ANTXR1: variants seen among roughly 807,000 people sequenced by gnomAD.
The protein encoded by ANTXR1 is anthrax toxin receptor 1.
Under a neutral mutation model 78.1 loss-of-function variants are expected in ANTXR1, and 19 were observed. The ratio of observed to expected loss-of-function variants is 0.24; its 90% CI spans 0.17 to 0.36. The LOEUF is 0.36. Among genes scored for constraint, ANTXR1 ranks in the 10% least tolerant of loss-of-function variants. The pLI, the probability that ANTXR1 is intolerant of heterozygous loss-of-function variation, is 1.00. For missense variants in ANTXR1, 518 were observed against 718.6 expected (o/e 0.72, Z 3.19); for synonymous variants, 273 against 260.5 (o/e 1.05, Z -0.46).
chr2:69,200,523 T>G (rs1425824186), intron 17 of ANTXR1, among the ~76,000 whole-genome samples: 1 of 152,246 alleles, frequency 6.6e-6, no homozygotes, highest in Non-Finnish European at 1.5e-5. Flanking sequence ...TCTGCACTCT[T>G]GCATTCTCTC....
intron 12 of ANTXR1, among the ~76,000 whole-genome samples, chr2:69,133,120 C>T (rs531919753): frequency 3.0e-4 from 46 of 152,262 alleles, no homozygotes; most frequent in African/African-American, 8.9e-4. Context: ...TTCTGCAAAG[C>T]GAAGCTGGAC....
At position 69,181,842 on chromosome 2, in the gene ANTXR1, T is replaced by C; in HGVS notation, c.1146T>C (p.Tyr382=). 3 of 1,614,068 alleles carry C rather than the reference T, an allele frequency of 1.9e-6. No individual in the cohort carries two copies. Among genetic ancestry groups the C allele is most frequent in the Non-Finnish European group, 1.7e-6 (2 of 1,179,982 alleles). The stretch of plus-strand genomic sequence containing the variant: ...AGTGGCCAACGGTAGACGCCTCTTA[T>C]TATGGTGGGAGAGGCGTTGGAGGCA... The part of the protein sequence containing the change: ...KKKWPTVDAS[Y]YGGRGVGGIK... The change falls in exon 15 of 18, where the codon TAT becomes TAC. Residue 382 remains tyrosine (Y), a synonymous_variant. Coordinates refer to ENST00000303714, the MANE Select transcript of ANTXR1 (RefSeq NM_032208.3).
chr2:69,109,022 C>T (rs1671896651), intron 10 of ANTXR1, among the ~76,000 whole-genome samples: 1 of 152,172 alleles, frequency 6.6e-6, no homozygotes, highest in African/African-American at 2.4e-5. Context: ...TGGAGCCAGA[C>T]CACCAGGGAA....
chr2:69,227,282 T>C (rs2104517150), intron 17 of ANTXR1, among the ~76,000 whole-genome samples: 1 of 152,226 alleles, frequency 6.6e-6, no homozygotes, highest in South Asian at 2.1e-4. Context: ...TGGCAGCCCT[T>C]ACCTAAAAAG....
At chr2:69,206,058 C>T (rs187680956) in intron 17 of ANTXR1, among the ~76,000 whole-genome samples, 6 of 152,264 alleles carry the variant, frequency 3.9e-5, no homozygotes, top group East Asian at 3.9e-4. Flanking sequence ...AGCAGTGTCA[C>T]GTTGAGAATC....
rs1670537116 is a variant in ANTXR1 at position 69,070,627 on chromosome 2, A to G, written c.297-20A>G. On this transcript the variant is annotated intron_variant, in intron 3 of 17. Coordinates refer to ENST00000303714, the MANE Select transcript of ANTXR1 (RefSeq NM_032208.3). Reference sequence around the variant, plus strand: ...TAAAAAATACTCAAATAAGACTAACAGAGTGTCTTTGGATTTCAGAGAACA... The same window carrying G: ...TAAAAAATACTCAAATAAGACTAACGGAGTGTCTTTGGATTTCAGAGAACA... 3 of 1,612,432 alleles carry G rather than the reference A, an allele frequency of 1.9e-6. No homozygotes were observed. Among genetic ancestry groups the G allele is most frequent in the South Asian group, 2.2e-5 (2 of 91,044 alleles).
chr2:69,249,045 C>A lies in ANTXR1; in HGVS notation c.*3560C>A, dbSNP rs920911486. The A allele has an allele frequency of 5.3e-5, 8 of 152,192 alleles. No homozygotes were observed. Among genetic ancestry groups the A allele is most frequent in the Admixed American group, 3.3e-4 (5 of 15,290 alleles). 9.4% of individuals were successfully genotyped at this position (152,192 alleles called of 1,614,324 possible). ...AGAAGATAGTTATGGATCTTCAATG[C>A]CTCTGAGTCATTGTTATAAAAAATC... is the stretch of plus-strand genomic sequence containing the variant. On this transcript the variant is annotated 3_prime_UTR_variant, in exon 18 of 18. Coordinates refer to ENST00000303714, the MANE Select transcript of ANTXR1 (RefSeq NM_032208.3).
chr2:69,230,051 C>G (rs997836375), intron 17 of ANTXR1, among the ~76,000 whole-genome samples: 2 of 152,188 alleles, frequency 1.3e-5, no homozygotes, highest in Admixed American at 6.5e-5. Flanking sequence ...CAGGGTATCT[C>G]TGCATAATTC....
intron 3 of ANTXR1, 144 bp downstream of exon 3, chr2:69,044,957 A>G: frequency 2.7e-6 from 2 of 740,246 alleles, no homozygotes; most frequent in Non-Finnish European, 2.4e-6. Context: ...AACCTTACGT[A>G]TGGGCACATG....
chr2:69,170,069 A>C (rs939204131), intron 13 of ANTXR1, among the ~76,000 whole-genome samples, 179 bp from the exon 14 acceptor site: 5 of 152,246 alleles, frequency 3.3e-5, no homozygotes, highest in Non-Finnish European at 7.3e-5. Context: ...TCATATGCTA[A>C]CTAGCAGAGC....
intron 8 of ANTXR1, among the ~76,000 whole-genome samples, chr2:69,089,316 G>A (rs2104277681): frequency 6.6e-6 from 1 of 152,306 alleles, no homozygotes; most frequent in South Asian, 2.1e-4. Context: ...TCTTAAGCAT[G>A]TTTGTTCATT....
intron 6 of ANTXR1, among the ~76,000 whole-genome samples, chr2:69,075,361 C>G (rs945885182): frequency 1.3e-5 from 2 of 152,228 alleles, no homozygotes; most frequent in African/African-American, 4.8e-5. Flanking sequence ...AGCCCTTCAT[C>G]AAGACTCTAC....
At chr2:69,157,187 A>G (rs1673550748) in intron 13 of ANTXR1, among the ~76,000 whole-genome samples, 1 of 151,860 alleles carries the variant, frequency 6.6e-6, no homozygotes, top group Non-Finnish European at 1.5e-5. Context: ...TCTCTCCTTT[A>G]AACTGTCTCC....
At chr2:69,203,224 A>G (rs1674817193) in intron 17 of ANTXR1, among the ~76,000 whole-genome samples, 1 of 152,224 alleles carries the variant, frequency 6.6e-6, no homozygotes, top group African/African-American at 2.4e-5. Context: ...TCATTTTAAG[A>G]AAAAGGAAGA....
intron 12 of ANTXR1, among the ~76,000 whole-genome samples, chr2:69,144,984 G>C (rs1673182288): frequency 6.6e-6 from 1 of 152,332 alleles, no homozygotes; most frequent in African/African-American, 2.4e-5. Context: ...AATAAAGCAT[G>C]CCTCTTTCCT....
chr2:69,064,143 A>G (rs1177280428), intron 3 of ANTXR1, among the ~76,000 whole-genome samples: 1 of 152,236 alleles, frequency 6.6e-6, no homozygotes, highest in Admixed American at 6.5e-5. Flanking sequence ...CACACTGGCT[A>G]AAGAAGCAAG....
intron 12 of ANTXR1, among the ~76,000 whole-genome samples, chr2:69,144,156 A>G (rs1673151752): frequency 6.6e-6 from 1 of 152,188 alleles, no homozygotes; most frequent in Non-Finnish European, 1.5e-5. Context: ...GAGCCCTGGA[A>G]TGTGATGCCT....
intron 1 of ANTXR1, among the ~76,000 whole-genome samples, chr2:69,030,849 T>A (rs911317010): frequency 6.6e-5 from 10 of 152,054 alleles, no homozygotes; most frequent in African/African-American, 2.2e-4. Context: ...GGAAAAAAAA[T>A]ACAGATTTGT....
intron 17 of ANTXR1, among the ~76,000 whole-genome samples, chr2:69,238,730 G>C (rs143518819): frequency 6.6e-6 from 1 of 152,322 alleles, no homozygotes; most frequent in East Asian, 1.9e-4. Context: ...CTAGGCCAGA[G>C]AGAAAAGGTA....
Sources: allele counts gnomAD v4.1 joint callset (sites outside exome capture counted in the v4.1 genomes callset), GRCh38; gene constraint gnomAD v4.1.1; transcripts MANE v1.5; gene names NCBI Gene and HGNC (gene_info 2026-07-23, HGNC 2026-07-21).